CCDC33: variants seen among roughly 807,000 people sequenced by gnomAD.
CCDC33 encodes coiled-coil domain containing 33.
In CCDC33, 94 loss-of-function variants were observed where a neutral mutation model predicts 91.9. The ratio of observed to expected loss-of-function variants is 1.02; its 90% CI spans 0.87 to 1.21. The LOEUF (loss-of-function observed/expected upper bound fraction) is 1.21. Among genes scored for constraint, CCDC33 ranks in the 50% most tolerant of loss-of-function variants. The probability of loss-of-function intolerance (pLI) is 0.00; values close to 1 mark genes in which losing one functional copy is unlikely to be tolerated. For missense variants in CCDC33, 940 were observed against 935.5 expected (o/e 1.00, Z -0.06); for synonymous variants, 396 against 374.5 (o/e 1.06, Z -0.66).
chr15:74,283,260 C>G (rs2059403702), intron 10 of CCDC33, among the ~76,000 whole-genome samples: 1 of 152,248 alleles, frequency 6.6e-6, no homozygotes, highest in South Asian at 2.1e-4. Flanking sequence ...GCCCAACCCT[C>G]CGGGGCCTCT....
At chr15:74,321,637 G>C (rs908285865) in intron 11 of CCDC33, among the ~76,000 whole-genome samples, 8 of 152,086 alleles carry the variant, frequency 5.3e-5, no homozygotes, top group African/African-American at 1.7e-4. Context: ...CTGACCGTGA[G>C]TGATCCGCCC....
chr15:74,240,066 C>T (rs141146688), intron 1 of CCDC33, among the ~76,000 whole-genome samples: 4 of 152,340 alleles, frequency 2.6e-5, no homozygotes, highest in Non-Finnish European at 5.9e-5. Context: ...CTGGCCTTAC[C>T]CTTGGCCCCA....
chr15:74,318,471 G>A, intron 11 of CCDC33: 1 of 556,628 alleles, frequency 1.8e-6, no homozygotes, highest in Non-Finnish European at 3.2e-6. Context: ...CAAAGGGGAA[G>A]TGGCCCCATG....
chr15:74,229,066 T>TCCAGTGGGGTG (rs2074890577), intron 2 of CCDC33, among the ~76,000 whole-genome samples: 1 of 152,086 alleles, frequency 6.6e-6, no homozygotes, highest in African/African-American at 2.4e-5. Context: ...GTGGGCGAGG[T>TCCAGTGGGGTG]ACCCAAGGCT....
intron 7 of CCDC33, among the ~76,000 whole-genome samples, chr15:74,276,462 C>T (rs2076452447): frequency 6.6e-6 from 1 of 152,172 alleles, no homozygotes; most frequent in Non-Finnish European, 1.5e-5. Context: ...ACCATCCCCT[C>T]CTCTCTCAGC....
upstream of CCDC33, among the ~76,000 whole-genome samples, chr15:74,215,470 A>G (rs2074416867): frequency 6.6e-6 from 1 of 152,182 alleles, no homozygotes; most frequent in Non-Finnish European, 1.5e-5. Flanking sequence ...ATGTAAATTT[A>G]TTTAACACCA....
chr15:74,231,589 G>C (rs796182399), upstream of CCDC33, among the ~76,000 whole-genome samples: 1 of 152,232 alleles, frequency 6.6e-6, no homozygotes, highest in African/African-American at 2.4e-5. Flanking sequence ...AAAGGAAAAG[G>C]CAGCGTGGTT....
chr15:74,314,836 C>A (rs2060060371), intron 11 of CCDC33, among the ~76,000 whole-genome samples: 1 of 152,240 alleles, frequency 6.6e-6, no homozygotes, highest in Non-Finnish European at 1.5e-5. Context: ...CATCTCTGCT[C>A]TCACATGGCC....
At chr15:74,258,685 T>C (rs1239921690) in intron 2 of CCDC33, among the ~76,000 whole-genome samples, 1 of 152,172 alleles carries the variant, frequency 6.6e-6, no homozygotes, top group African/African-American at 2.4e-5. Flanking sequence ...TGTGGATGTG[T>C]GTGTGTGTCT....
chr15:74,294,983 G>A (rs1234543491), intron 10 of CCDC33, among the ~76,000 whole-genome samples: 1 of 152,174 alleles, frequency 6.6e-6, no homozygotes, highest in Non-Finnish European at 1.5e-5. Flanking sequence ...AGAACATGGA[G>A]GGAGACGAAG....
At chr15:74,320,781 C>T (rs937933051) in intron 11 of CCDC33, among the ~76,000 whole-genome samples, 1 of 152,236 alleles carries the variant, frequency 6.6e-6, no homozygotes, top group Admixed American at 6.5e-5. Flanking sequence ...GGGCTATGCC[C>T]TTGCCGCTTC....
intron 9 of CCDC33, among the ~76,000 whole-genome samples, chr15:74,281,508 T>TG (rs2059363250): frequency 6.6e-6 from 1 of 152,238 alleles, no homozygotes; most frequent in East Asian, 1.9e-4. Flanking sequence ...AAAATACTTC[T>TG]GGCCATCCTG....
At position 74,244,157 on chromosome 15, in the gene CCDC33, C is replaced by A; in HGVS notation, c.185+9C>A. On this transcript the variant is annotated intron_variant, in intron 2 of 18. Coordinates refer to ENST00000398814, the MANE Select transcript of CCDC33 (RefSeq NM_025055.5). The surrounding 1 kb of genome is among the most constrained non-coding windows in gnomAD (Gnocchi z 4.2). ...TGGCCCTATGTGGTGGTGTAAGTAG[C>A]TGCGTGAGAGTGGGGGCAGGGGATG... is the stretch of plus-strand genomic sequence containing the variant. 1 of 1,604,028 alleles carries A rather than the reference C, an allele frequency of 6.2e-7. No homozygotes were observed.
chr15:74,321,758 C>A (rs575826541), intron 11 of CCDC33, among the ~76,000 whole-genome samples: 1 of 152,308 alleles, frequency 6.6e-6, no homozygotes, highest in African/African-American at 2.4e-5. Flanking sequence ...CCAAGAGAGA[C>A]CTCTCTGACA....
intron 11 of CCDC33, among the ~76,000 whole-genome samples, chr15:74,322,162 T>C (rs936910390): frequency 6.6e-6 from 1 of 152,226 alleles, no homozygotes; most frequent in African/African-American, 2.4e-5. Context: ...CAGTTACCTA[T>C]TGCAATAACA....
chr15:74,255,557 G>A (rs951231364), intron 2 of CCDC33, among the ~76,000 whole-genome samples: 2 of 152,270 alleles, frequency 1.3e-5, no homozygotes, highest in Admixed American at 1.3e-4. Context: ...ACTTCCCAGC[G>A]GTGTGCTCCT....
chr15:74,222,921 C>A (rs1278061960), intron 2 of CCDC33, among the ~76,000 whole-genome samples: 2 of 151,996 alleles, frequency 1.3e-5, no homozygotes, highest in African/African-American at 2.4e-5. Context: ...CTCCCCCCGC[C>A]CCCATGGCCT....
intron 11 of CCDC33, among the ~76,000 whole-genome samples, chr15:74,310,515 C>T (rs1053499827): frequency 1.4e-5 from 2 of 145,138 alleles, no homozygotes; most frequent in Non-Finnish European, 3.0e-5. Flanking sequence ...CTAGCCTGGG[C>T]GACAGAGGAG....
chr15:74,322,478 C>T (rs2060226653), intron 11 of CCDC33, among the ~76,000 whole-genome samples: 1 of 152,234 alleles, frequency 6.6e-6, no homozygotes, highest in South Asian at 2.1e-4. Context: ...AACATCTTCC[C>T]TGGAGCTAAC....
Sources: allele counts gnomAD v4.1 joint callset (sites outside exome capture counted in the v4.1 genomes callset), GRCh38; gene constraint gnomAD v4.1.1; non-coding constraint Gnocchi (gnomAD v3.1); transcripts MANE v1.5; gene names NCBI Gene and HGNC (gene_info 2026-07-23, HGNC 2026-07-21).